OR1J2: variants seen among roughly 807,000 people sequenced by gnomAD.
The protein encoded by OR1J2 is olfactory receptor 1J2.
For missense variants in OR1J2, 304 were observed against 246.1 expected (o/e 1.24, Z -1.57); for synonymous variants, 142 against 99.7 (o/e 1.42, Z -2.52).
At chr9:122,451,806 C>T in the OR1J2 span, among the ~76,000 whole-genome samples, 1 of 152,162 alleles carries the variant, frequency 6.6e-6, no homozygotes, top group Non-Finnish European at 1.5e-5. Context: ...GGTGTAATTA[C>T]TGGAGGTCAT....
chr9:122,573,749 G>A, the OR1J2 span, among the ~76,000 whole-genome samples: 1 of 152,060 alleles, frequency 6.6e-6, no homozygotes, highest in Non-Finnish European at 1.5e-5. Context: ...TAATTTTAAT[G>A]AAGTCCAGCT....
At chr9:122,477,389 C>T in the OR1J2 span, 1 of 1,614,012 alleles carries the variant, frequency 6.2e-7, no homozygotes, top group South Asian at 1.1e-5. Flanking sequence ...GCACCAAGGT[C>T]ACAGAAGTAG....
chr9:122,517,533 A>G, the OR1J2 span, among the ~76,000 whole-genome samples: 1 of 152,168 alleles, frequency 6.6e-6, no homozygotes, highest in Admixed American at 6.5e-5. Context: ...CCCAATTAAG[A>G]ACTGTTATAA....
chr9:122,509,792 A>AT (rs1828597869), upstream of OR1J2, among the ~76,000 whole-genome samples: 1 of 152,182 alleles, frequency 6.6e-6, no homozygotes, highest in Non-Finnish European at 1.5e-5. Context: ...TCCTTTGAGA[A>AT]TTTTTAGACA....
chr9:122,453,400 C>T, the OR1J2 span, among the ~76,000 whole-genome samples: 1 of 152,202 alleles, frequency 6.6e-6, no homozygotes, highest in Non-Finnish European at 1.5e-5. Flanking sequence ...GTCATTTCCA[C>T]TTGCCATGCT....
upstream of OR1J2, among the ~76,000 whole-genome samples, chr9:122,508,857 T>C (rs1828578479): frequency 6.6e-6 from 1 of 152,208 alleles, no homozygotes; most frequent in Non-Finnish European, 1.5e-5. Flanking sequence ...AAGTCTAAAA[T>C]GGGTATCAGT....
At chr9:122,538,155 T>G in the OR1J2 span, among the ~76,000 whole-genome samples, 1 of 136,130 alleles carries the variant, frequency 7.3e-6, no homozygotes. Flanking sequence ...AGCCCCCCAG[T>G]CCCCCTGCCC....
the OR1J2 span, among the ~76,000 whole-genome samples, chr9:122,560,599 T>C: frequency 3.3e-5 from 5 of 152,196 alleles, no homozygotes; most frequent in African/African-American, 1.2e-4. Flanking sequence ...TTAGTTTGGC[T>C]GGATATGAAA....
chr9:122,448,188 C>T, the OR1J2 span, among the ~76,000 whole-genome samples: 1 of 152,156 alleles, frequency 6.6e-6, no homozygotes, highest in Admixed American at 6.5e-5. Flanking sequence ...ACCAAGAAAA[C>T]ATATGTGCAA....
At chr9:122,535,350 C>T in the OR1J2 span, among the ~76,000 whole-genome samples, 5 of 152,116 alleles carry the variant, frequency 3.3e-5, no homozygotes, top group African/African-American at 4.8e-5. Context: ...ACCTCTGAAA[C>T]CTGGGTGAAT....
the OR1J2 span, among the ~76,000 whole-genome samples, chr9:122,579,772 T>C: frequency 1.3e-5 from 2 of 152,000 alleles, no homozygotes; most frequent in African/African-American, 4.8e-5. Flanking sequence ...AAATTGTCAT[T>C]GATGTTTTAA....
the OR1J2 span, among the ~76,000 whole-genome samples, chr9:122,527,640 A>G: frequency 6.6e-6 from 1 of 152,180 alleles, no homozygotes; most frequent in African/African-American, 2.4e-5. Context: ...TAAATTTTAC[A>G]TTCTTTTGGG....
the OR1J2 span, among the ~76,000 whole-genome samples, chr9:122,453,134 G>A: frequency 1.1e-3 from 169 of 151,978 alleles, 2 homozygotes; most frequent in African/African-American, 3.9e-3. Context: ...CTTCCACTAT[G>A]AGTAAAACTC....
chr9:122,540,477 C>G, the OR1J2 span, among the ~76,000 whole-genome samples: 1 of 152,070 alleles, frequency 6.6e-6, no homozygotes. Context: ...TGGTCTATAT[C>G]TCTGTTTTGG....
At chr9:122,478,075 TTGCTGCAAATG>T in the OR1J2 span, 53 of 607,146 alleles carry the variant, frequency 8.7e-5, no homozygotes, top group Middle Eastern at 1.2e-3. Context: ...GCCACATATT[TTGCTGCAAATG>T]TGCTGAAAAA....
chr9:122,566,496 T>A, the OR1J2 span, among the ~76,000 whole-genome samples: 1 of 152,162 alleles, frequency 6.6e-6, no homozygotes, highest in African/African-American at 2.4e-5. Context: ...ATATCTTAAT[T>A]TTCTTACTTA....
At chr9:122,553,553 C>T in the OR1J2 span, 1 of 1,614,132 alleles carries the variant, frequency 6.2e-7, no homozygotes, top group Non-Finnish European at 8.5e-7. Context: ...GTGGCCTTGA[C>T]AACTGCCTGC....
At chr9:122,493,864 G>T in the OR1J2 span, among the ~76,000 whole-genome samples, 16 of 152,206 alleles carry the variant, frequency 1.1e-4, no homozygotes, top group African/African-American at 2.9e-4. Flanking sequence ...CACTGCTTTT[G>T]CTGTATCCCA....
At chr9:122,483,167 C>T in the OR1J2 span, among the ~76,000 whole-genome samples, 4 of 152,076 alleles carry the variant, frequency 2.6e-5, no homozygotes, top group Admixed American at 2.0e-4. Flanking sequence ...CGATTTAAAT[C>T]GTTCATCTAT....
Sources: gnomAD v4.1 joint callset for allele counts (sites outside exome capture counted in the v4.1 genomes callset) on GRCh38, gnomAD v4.1.1 for gene constraint, MANE v1.5 for transcripts, NCBI Gene and HGNC (gene_info 2026-07-23, HGNC 2026-07-21) for gene names.